The following CTTNBP2 variants were observed in gnomAD, a reference collection of about 807,000 sequenced individuals.
CTTNBP2 encodes the protein cortactin binding protein 2, also known as cortactin-binding protein 2.
A neutral mutation model predicts 156.9 loss-of-function variants in CTTNBP2; 108 were observed. That is an observed-to-expected ratio of 0.69 (90% CI 0.59 to 0.81). CTTNBP2 has a LOEUF of 0.81. Among genes scored for constraint, CTTNBP2 ranks in the 30% least tolerant of loss-of-function variants. The probability of loss-of-function intolerance (pLI) is 0.00; values close to 1 mark genes in which losing one functional copy is unlikely to be tolerated. For missense variants in CTTNBP2, 1,924 were observed against 2,035.4 expected (o/e 0.95, Z 1.05); for synonymous variants, 767 against 751.8 (o/e 1.02, Z -0.33).
intron 13 of CTTNBP2, 35 bp from the exon 14 acceptor site, chr7:117,745,965 A>C (rs1796309543): frequency 6.2e-7 from 1 of 1,611,330 alleles, no homozygotes; most frequent in South Asian, 1.1e-5. Context: ...AGTTCTACGC[A>C]CTTGCCAATT....
At chr7:117,783,180 CGT>C (rs3059528) in intron 5 of CTTNBP2, among the ~76,000 whole-genome samples, 10 of 151,540 alleles carry the variant, frequency 6.6e-5, no homozygotes, top group African/African-American at 2.4e-4. Flanking sequence ...CACTAAGATG[CGT>C]GTGTGTGTGT....
rs180938603 is a variant in CTTNBP2 at position 117,761,035 on chromosome 7, C to T, written c.2897-325G>A. Among the ~76,000 whole-genome samples, 378 of 152,172 alleles carry T rather than the reference C, an allele frequency of 2.5e-3. 2 individuals carry two copies. The highest frequency in any genetic ancestry group is 8.7e-3 in the African/African-American group (362 of 41,550). On this transcript the variant is annotated intron_variant, in intron 9 of 22. Coordinates refer to ENST00000160373, the MANE Select transcript of CTTNBP2 (RefSeq NM_033427.3). ...AAAGAACTATAACCCTCCCTTGACC[C>T]TGAATTCTCTATATTCTCCTTTCCT...
At chr7:117,717,935 G>T in intron 22 of CTTNBP2, 83 bp downstream of exon 22, 1 of 856,672 alleles carries the variant, frequency 1.2e-6, no homozygotes, top group Non-Finnish European at 2.0e-6. Flanking sequence ...AAATAACTCT[G>T]TGATTCACAC....
intron 3 of CTTNBP2, among the ~76,000 whole-genome samples, chr7:117,802,437 CA>C (rs759797673): frequency 0.24 from 20,017 of 83,718 alleles, 2,080 homozygotes; most frequent in African/African-American, 0.36. Flanking sequence ...TCAGCATTGG[CA>C]AAAAAAAAAA....
chr7:117,868,691 T>C (rs1218201974), intron 1 of CTTNBP2, among the ~76,000 whole-genome samples: 1 of 152,224 alleles, frequency 6.6e-6, no homozygotes, highest in African/African-American at 2.4e-5. Context: ...GACAAATCTT[T>C]TTCCATGTTA....
intron 2 of CTTNBP2, among the ~76,000 whole-genome samples, chr7:117,837,820 G>A (rs1802044524): frequency 6.6e-6 from 1 of 152,130 alleles, no homozygotes; most frequent in Non-Finnish European, 1.5e-5. Flanking sequence ...TTTCAGATTA[G>A]GGATGCTCGA....
chr7:117,735,726 C>T (rs766637739), intron 14 of CTTNBP2, among the ~76,000 whole-genome samples: 3 of 152,100 alleles, frequency 2.0e-5, no homozygotes, highest in Non-Finnish European at 4.4e-5. Flanking sequence ...AAATAGAAAG[C>T]GAACAAATGA....
At chr7:117,861,388 C>A in intron 1 of CTTNBP2, 72 bp from the exon 2 acceptor site, 1 of 1,059,624 alleles carries the variant, frequency 9.4e-7, no homozygotes, top group Non-Finnish European at 1.4e-6. Flanking sequence ...TAAGGGTATG[C>A]AATGAATCAG....
chr7:117,803,607 A>C (rs775537491), intron 3 of CTTNBP2, among the ~76,000 whole-genome samples: 1 of 152,096 alleles, frequency 6.6e-6, no homozygotes, highest in African/African-American at 2.4e-5. Flanking sequence ...AGGAAGAATG[A>C]CTTTTTTATG....
intron 1 of CTTNBP2, among the ~76,000 whole-genome samples, chr7:117,862,655 G>A (rs1803850144): frequency 6.6e-6 from 1 of 152,122 alleles, no homozygotes; most frequent in Non-Finnish European, 1.5e-5. Context: ...ACCATCACAG[G>A]GAAGAGTAAC....
chr7:117,820,434 T>C (rs1800891655), intron 2 of CTTNBP2, among the ~76,000 whole-genome samples: 1 of 152,256 alleles, frequency 6.6e-6, no homozygotes, highest in Admixed American at 6.5e-5. Flanking sequence ...TTCATGTTTT[T>C]TATCTTCTAT....
rs149142354 is a variant in CTTNBP2, at chr7:117,786,430, A to AAAAC, written c.2069-1980_2069-1977dup. ...ACATTTTACCTTTTGTATTTTCTTAAAAACAAACAAACAAACAAAAAACAG... is the reference window on the plus strand; with the variant it reads ...ACATTTTACCTTTTGTATTTTCTTAAAAACAAACAAACAAACAAACAAAAAACAG... On this transcript the variant is annotated intron_variant, in intron 4 of 22. Coordinates refer to ENST00000160373, the MANE Select transcript of CTTNBP2 (RefSeq NM_033427.3). 4.5e-5 allele frequency: 20 copies of AAAAC among 442,406 alleles called. 1 individual carries two copies. The highest frequency in any genetic ancestry group is 7.4e-5 in the Non-Finnish European group (16 of 216,446). 27.4% of individuals were successfully genotyped at this position (442,406 alleles called of 1,614,324 possible).
At chr7:117,718,718 TATG>T (rs1462702808) in intron 21 of CTTNBP2, among the ~76,000 whole-genome samples, 3 of 152,208 alleles carry the variant, frequency 2.0e-5, no homozygotes, top group Non-Finnish European at 4.4e-5. Flanking sequence ...GCTTAGAGAT[TATG>T]ATGATATGCA....
chr7:117,754,453 A>G (rs1796781151), intron 12 of CTTNBP2, among the ~76,000 whole-genome samples: 1 of 152,200 alleles, frequency 6.6e-6, no homozygotes, highest in African/African-American at 2.4e-5. Flanking sequence ...TGTGTCTTAT[A>G]CATAGCTCTA....
chr7:117,834,797 T>A (rs939347064), intron 2 of CTTNBP2, among the ~76,000 whole-genome samples: 21 of 152,236 alleles, frequency 1.4e-4, no homozygotes, highest in African/African-American at 4.1e-4. Flanking sequence ...TGATGAGATT[T>A]TATAATTTAT....
intron 2 of CTTNBP2, among the ~76,000 whole-genome samples, chr7:117,825,986 C>T (rs1317683524): frequency 1.3e-5 from 2 of 152,168 alleles, no homozygotes; most frequent in Non-Finnish European, 2.9e-5. Context: ...CTCCCAGCTG[C>T]AGTTTATCAG....
chr7:117,759,559 C>T (rs1160733320), intron 10 of CTTNBP2, among the ~76,000 whole-genome samples: 1 of 152,182 alleles, frequency 6.6e-6, no homozygotes, highest in Non-Finnish European at 1.5e-5. Context: ...AACAATCTGA[C>T]AGATAAATAG....
chr7:117,849,057 T>C (rs921424566), intron 2 of CTTNBP2, among the ~76,000 whole-genome samples: 4 of 152,230 alleles, frequency 2.6e-5, no homozygotes, highest in African/African-American at 9.6e-5. Context: ...TTGCTGACTT[T>C]TGAAAAAGCT....
chr7:117,773,459 G>C (rs773577114), intron 8 of CTTNBP2, among the ~76,000 whole-genome samples: 11 of 152,098 alleles, frequency 7.2e-5, no homozygotes, highest in Non-Finnish European at 1.5e-4. Flanking sequence ...GAGGACAGTG[G>C]GACTGCCCAG....
Sources: gnomAD v4.1 joint callset for allele counts (sites outside exome capture counted in the v4.1 genomes callset) on GRCh38, gnomAD v4.1.1 for gene constraint, MANE v1.5 for transcripts, NCBI Gene and HGNC (gene_info 2026-07-23, HGNC 2026-07-21) for gene names.